The following RXFP1 variants were observed in gnomAD, a reference collection of about 807,000 sequenced individuals.
RXFP1 encodes the protein relaxin family peptide receptor 1.
In RXFP1, 73 loss-of-function variants were observed where a neutral mutation model predicts 89.8. That is an observed-to-expected ratio of 0.81 (90% CI 0.67 to 0.99). RXFP1 has a LOEUF of 0.99. RXFP1 is among the 50% of genes least tolerant of loss of function. RXFP1 has a pLI of 0.00. For missense variants in RXFP1, 793 were observed against 895.5 expected, an observed-to-expected ratio of 0.89 and a Z score of 1.46; for synonymous variants, 277 against 305.5, an observed-to-expected ratio of 0.91 and a Z score of 0.97.
intron 6 of RXFP1, chr4:158,610,575 C>A: frequency 3.1e-6 from 2 of 647,946 alleles, no homozygotes; most frequent in Non-Finnish European, 4.9e-6. Flanking sequence ...AGTTCCAAAC[C>A]TGTGTTGCTG....
intron 3 of RXFP1, among the ~76,000 whole-genome samples, chr4:158,597,033 T>C (rs1201322644): frequency 1.3e-5 from 2 of 152,086 alleles, no homozygotes; most frequent in Non-Finnish European, 2.9e-5. Flanking sequence ...TCATTGAGAG[T>C]TAAAGACAAT....
At chr4:158,600,315 T>G (rs1400638543) in intron 4 of RXFP1, among the ~76,000 whole-genome samples, 1 of 152,078 alleles carries the variant, frequency 6.6e-6, no homozygotes, top group Non-Finnish European at 1.5e-5. Flanking sequence ...AGGTAAGAGC[T>G]ACAACTCAGA....
intron 15 of RXFP1, among the ~76,000 whole-genome samples, chr4:158,645,717 G>C (rs1050286345): frequency 2.6e-5 from 4 of 152,114 alleles, no homozygotes; most frequent in African/African-American, 9.7e-5. Flanking sequence ...CCAGTCCTCA[G>C]GATGTTTGTA....
At chr4:158,648,821 T>C (rs1299829385) in intron 17 of RXFP1, 104 bp downstream of exon 17, 6 of 748,006 alleles carry the variant, frequency 8.0e-6, no homozygotes, top group Middle Eastern at 3.9e-4. Flanking sequence ...TTCAAAGAAT[T>C]GTACATCAGA....
chr4:158,563,732 T>C (rs2149954125), intron 1 of RXFP1, among the ~76,000 whole-genome samples: 1 of 152,014 alleles, frequency 6.6e-6, no homozygotes, highest in South Asian at 2.1e-4. Context: ...CATAAAACAT[T>C]TCAGTTAGCA....
At chr4:158,585,896 G>C (rs1309143596) in intron 2 of RXFP1, among the ~76,000 whole-genome samples, 1 of 152,220 alleles carries the variant, frequency 6.6e-6, no homozygotes, top group African/African-American at 2.4e-5. Context: ...TAAACTACTT[G>C]ATGGTCGACA....
intron 1 of RXFP1, chr4:158,544,165 G>A (rs752098664): frequency 1.1e-5 from 11 of 983,496 alleles, no homozygotes; most frequent in South Asian, 4.7e-5. Flanking sequence ...TGTCTTCATT[G>A]GAAATCATTG....
intron 1 of RXFP1, among the ~76,000 whole-genome samples, chr4:158,540,799 C>T (rs1014716888): frequency 2.6e-5 from 4 of 152,068 alleles, no homozygotes; most frequent in African/African-American, 4.8e-5. Context: ...GTAAACATGC[C>T]GTACAGGTGT....
At chr4:158,584,425 CTCTG>C (rs2150038937) in intron 2 of RXFP1, among the ~76,000 whole-genome samples, 1 of 150,244 alleles carries the variant, frequency 6.7e-6, no homozygotes, top group Admixed American at 6.6e-5. Context: ...CAGGGTGAGA[CTCTG>C]TCTCCAAAAA....
At chr4:158,607,290 A>G (rs770514444) in intron 5 of RXFP1, among the ~76,000 whole-genome samples, 1 of 151,942 alleles carries the variant, frequency 6.6e-6, no homozygotes, top group African/African-American at 2.4e-5. Context: ...TGACATTCCA[A>G]TCTAATTTAT....
chr4:158,648,462 T>C, intron 16 of RXFP1, 37 bp from the exon 17 acceptor site: 1 of 1,207,314 alleles, frequency 8.3e-7, no homozygotes, highest in South Asian at 1.5e-5. Flanking sequence ...AAAGAAATAT[T>C]TCTATGCATT....
intron 6 of RXFP1, among the ~76,000 whole-genome samples, chr4:158,608,428 C>T (rs1580020111): frequency 6.7e-6 from 1 of 149,504 alleles, no homozygotes; most frequent in South Asian, 2.1e-4. Context: ...CTCCAGCATC[C>T]AGCATGAGCC....
chr4:158,550,348 G>A (rs1472469635), intron 1 of RXFP1, among the ~76,000 whole-genome samples: 1 of 152,212 alleles, frequency 6.6e-6, no homozygotes, highest in Non-Finnish European at 1.5e-5. Context: ...GGTGCTGTCT[G>A]TCACCGCTTT....
At position 158,651,927 on chromosome 4, in the gene RXFP1, T is replaced by C; in HGVS notation, c.2146T>C (p.Ser716Pro). 1 of 1,614,140 alleles carries C rather than the reference T, an allele frequency of 6.2e-7. No individual in the cohort carries two copies. The highest frequency in any genetic ancestry group is 8.5e-7 in the Non-Finnish European group (1 of 1,180,022). Residue 716 changes from serine (S) to proline (P), a missense_variant, in exon 18 of 18, where the codon TCA becomes CCA. By Grantham distance (74) the Ser-to-Pro change is moderately conservative (BLOSUM62 -1). Coordinates refer to ENST00000307765, the MANE Select transcript of RXFP1 (RefSeq NM_021634.4). ...DSKGQKTYAP[S>P]FIWVEMWPLQ... is the part of the protein sequence containing the mutation. The stretch of plus-strand genomic sequence containing the variant: ...CAAAGGTCAGAAAACATATGCTCCA[T>C]CATTCATCTGGGTGGAAATGTGGCC...
At chr4:158,565,291 A>G (rs1697360027) in intron 1 of RXFP1, among the ~76,000 whole-genome samples, 1 of 152,234 alleles carries the variant, frequency 6.6e-6, no homozygotes, top group African/African-American at 2.4e-5. Flanking sequence ...TAAGAACTGG[A>G]GATGAACTCA....
intron 2 of RXFP1, among the ~76,000 whole-genome samples, chr4:158,575,729 T>C (rs187238301): frequency 1.3e-5 from 2 of 152,216 alleles, no homozygotes. Context: ...CTATGAAAAA[T>C]AAATGTTTAT....
chr4:158,626,148 A>ATAGT (rs1554019531), intron 9 of RXFP1, among the ~76,000 whole-genome samples: 3,245 of 149,740 alleles, frequency 0.022, 124 homozygotes, highest in Admixed American at 0.094. Context: ...AGATAGATAG[A>ATAGT]TAGATAGATA....
intron 2 of RXFP1, among the ~76,000 whole-genome samples, chr4:158,575,877 G>A (rs1300791736): frequency 3.3e-5 from 5 of 152,138 alleles, no homozygotes; most frequent in African/African-American, 4.8e-5. Context: ...GGCCTAAAAC[G>A]TAACCATTTA....
At chr4:158,563,719 A>T (rs1752963024) in intron 1 of RXFP1, among the ~76,000 whole-genome samples, 1 of 151,922 alleles carries the variant, frequency 6.6e-6, no homozygotes, top group South Asian at 2.1e-4. Flanking sequence ...TGTAACATAT[A>T]CTCATAAAAC....
Sources: gnomAD v4.1 joint callset for allele counts (sites outside exome capture counted in the v4.1 genomes callset) on GRCh38, gnomAD v4.1.1 for gene constraint, MANE v1.5 for transcripts, NCBI Gene and HGNC (gene_info 2026-07-23, HGNC 2026-07-21) for gene names.